SLC45A4: variants seen among roughly 807,000 people sequenced by gnomAD.
SLC45A4 encodes the protein polyamine-transporter SLC45A4.
In SLC45A4, 32 loss-of-function variants were observed where a neutral mutation model predicts 63.7. The ratio of observed to expected loss-of-function variants is 0.50; its 90% CI spans 0.38 to 0.67. The LOEUF (loss-of-function observed/expected upper bound fraction) is 0.67. SLC45A4 is among the 30% of genes least tolerant of loss of function. SLC45A4 has a pLI of 0.00. For synonymous variants in SLC45A4, 535 were observed against 510.0 expected (o/e 1.05, Z -0.66); for missense variants, 1,027 against 1,157.7 (o/e 0.89, Z 1.64).
intron 2 of SLC45A4, among the ~76,000 whole-genome samples, chr8:141,251,611 C>T (rs1011656936): frequency 1.3e-5 from 2 of 152,012 alleles, no homozygotes; most frequent in Non-Finnish European, 2.9e-5. Flanking sequence ...TACGTCCGAG[C>T]CCCCGACCCT....
intron 1 of SLC45A4, among the ~76,000 whole-genome samples, chr8:141,299,391 C>A (rs897730099): frequency 6.6e-6 from 1 of 152,240 alleles, no homozygotes; most frequent in African/African-American, 2.4e-5. Flanking sequence ...ATATTCCCTT[C>A]GGCTTACCTA....
At chr8:141,258,250 G>T (rs768225517) in intron 1 of SLC45A4, among the ~76,000 whole-genome samples, 6 of 152,038 alleles carry the variant, frequency 3.9e-5, no homozygotes, top group Non-Finnish European at 8.8e-5. Flanking sequence ...CGACGGTGGA[G>T]CCCTGCTTGG....
intron 1 of SLC45A4, among the ~76,000 whole-genome samples, chr8:141,255,430 A>C (rs962880887): frequency 6.6e-6 from 1 of 152,170 alleles, no homozygotes; most frequent in Admixed American, 6.5e-5. Flanking sequence ...TAAAAATAAA[A>C]AGCAGCTGGG....
chr8:141,222,925 A>G (rs917944204), intron 2 of SLC45A4, among the ~76,000 whole-genome samples: 2 of 152,194 alleles, frequency 1.3e-5, no homozygotes, highest in African/African-American at 4.8e-5. Context: ...TTCATCCCAC[A>G]GGGGACTTGA....
chr8:141,293,071 C>G (rs1189106502), intron 1 of SLC45A4, among the ~76,000 whole-genome samples: 3 of 152,236 alleles, frequency 2.0e-5, no homozygotes, highest in East Asian at 3.8e-4. Flanking sequence ...CCCCCACCCC[C>G]CTACTGAGGC....
chr8:141,233,164 G>A (rs1485476024), intron 2 of SLC45A4, among the ~76,000 whole-genome samples: 1 of 152,196 alleles, frequency 6.6e-6, no homozygotes. Flanking sequence ...CAAAGTTCTT[G>A]AAAATTTAAG....
At chr8:141,251,159 C>T (rs1828447503) in intron 2 of SLC45A4, among the ~76,000 whole-genome samples, 1 of 152,192 alleles carries the variant, frequency 6.6e-6, no homozygotes, top group Admixed American at 6.6e-5. Context: ...AGCGCCTCAG[C>T]TTTGTTATGA....
At chr8:141,307,900 T>C (rs1039617249) in intron 1 of SLC45A4, among the ~76,000 whole-genome samples, 196 bp downstream of exon 1, 4 of 120,370 alleles carry the variant, frequency 3.3e-5, no homozygotes, top group Non-Finnish European at 6.7e-5. Flanking sequence ...TGGGGGGCCC[T>C]GAGGAGCCAG....
chr8:141,211,401 G>C lies in SLC45A4; in HGVS notation c.*171C>G. ...ACGCTCCGCCCCCAGGTGGTGCCCA[G>C]CCCATCCCTGGGCAGGGTGTCTGGG... On this transcript the variant is annotated 3_prime_UTR_variant, in exon 9 of 9. Transcript: ENST00000517878. 1.3e-6 allele frequency: 2 copies of C among 1,532,286 alleles called. No homozygotes were observed. Among genetic ancestry groups the C allele is most frequent in the Non-Finnish European group, 1.8e-6 (2 of 1,142,222 alleles). The allele number at this position is 1,532,286 out of a possible 1,614,324, so 94.9% of individuals were successfully genotyped here. A position where few individuals can be genotyped will look rare whatever the true frequency, so the allele number is the denominator to read the frequency against.
At chr8:141,246,965 T>C (rs1001075912) in intron 2 of SLC45A4, among the ~76,000 whole-genome samples, 1 of 151,432 alleles carries the variant, frequency 6.6e-6, no homozygotes, top group African/African-American at 2.4e-5. Flanking sequence ...AATAGAAAAA[T>C]AATAAACTAG....
chr8:141,233,996 T>A (rs1447507158), intron 2 of SLC45A4, among the ~76,000 whole-genome samples: 1 of 152,242 alleles, frequency 6.6e-6, no homozygotes, highest in Non-Finnish European at 1.5e-5. Context: ...GTCCGTTTCC[T>A]GATCTGCAGA....
At chr8:141,239,429 C>G (rs760387885) in intron 2 of SLC45A4, among the ~76,000 whole-genome samples, 10 of 152,186 alleles carry the variant, frequency 6.6e-5, no homozygotes, top group Non-Finnish European at 1.2e-4. Flanking sequence ...TGCCAACCTC[C>G]CAGGCAAGGG....
At chr8:141,241,748 CT>C in intron 2 of SLC45A4, among the ~76,000 whole-genome samples, 1 of 152,238 alleles carries the variant, frequency 6.6e-6, no homozygotes, top group African/African-American at 2.4e-5. Context: ...GCCTCCAAGC[CT>C]TTCCTCCCAG....
At chr8:141,231,746 A>G (rs1361360606) in intron 2 of SLC45A4, among the ~76,000 whole-genome samples, 2 of 152,376 alleles carry the variant, frequency 1.3e-5, no homozygotes, top group African/African-American at 2.4e-5. Flanking sequence ...TGACAGGCAC[A>G]GTAGGAAACA....
intron 1 of SLC45A4, among the ~76,000 whole-genome samples, chr8:141,276,804 G>A (rs369905462): frequency 5.6e-4 from 86 of 152,350 alleles, no homozygotes; most frequent in African/African-American, 2.1e-3. Flanking sequence ...TCTACTTCTT[G>A]TCTGGGTAGT....
intron 2 of SLC45A4, among the ~76,000 whole-genome samples, chr8:141,239,848 T>G (rs906340571): frequency 6.6e-6 from 1 of 152,174 alleles, no homozygotes; most frequent in Admixed American, 6.5e-5. Context: ...TGGTCATCTC[T>G]GCACACCTGC....
In SLC45A4 at chr8:141,278,153, C is replaced by G. The variant is rs1205033567; in HGVS notation, c.-400-23524G>C. ...AGGACACACCCTTACACTTTTGCACCTGCCTCAGCAGCAGCCCCGCCCTCT... is the reference window on the plus strand; with the variant it reads ...AGGACACACCCTTACACTTTTGCACGTGCCTCAGCAGCAGCCCCGCCCTCT... On this transcript the variant is annotated intron_variant, in intron 1 of 8. Transcript: ENST00000517878. The surrounding 1 kb of genome is among the most constrained non-coding windows in gnomAD (Gnocchi z 4.1). 6.6e-6 allele frequency: 1 copy of G among 152,640 alleles called. No individual in the cohort carries two copies. Among genetic ancestry groups the G allele is most frequent in the African/African-American group, 2.4e-5 (1 of 41,490 alleles). 9.5% of individuals were successfully genotyped at this position (152,640 alleles called of 1,614,324 possible).
intron 1 of SLC45A4, among the ~76,000 whole-genome samples, chr8:141,273,826 C>T (rs1328582996): frequency 2.0e-5 from 3 of 152,134 alleles, no homozygotes; most frequent in Admixed American, 6.5e-5. Flanking sequence ...TCCAATGATA[C>T]GGAGCTCTTT....
At chr8:141,305,016 C>T (rs556349733) in intron 1 of SLC45A4, among the ~76,000 whole-genome samples, 34 of 152,254 alleles carry the variant, frequency 2.2e-4, no homozygotes, top group African/African-American at 7.0e-4. Context: ...GCTTCCCTTT[C>T]GGCAGGCCCT....
Sources: allele counts gnomAD v4.1 joint callset (sites outside exome capture counted in the v4.1 genomes callset), GRCh38; gene constraint gnomAD v4.1.1; non-coding constraint Gnocchi (gnomAD v3.1); transcripts MANE v1.5; gene names NCBI Gene and HGNC (gene_info 2026-07-23, HGNC 2026-07-21).